Variants in TCIRG1 observed in about 807,000 individuals in gnomAD.
TCIRG1 encodes the protein T cell immune regulator 1, ATPase H+ transporting V0 subunit a3, also known as V-type proton ATPase 116 kDa subunit a 3.
A neutral mutation model predicts 95.5 loss-of-function variants in TCIRG1; 86 were observed. The ratio of observed to expected loss-of-function variants is 0.90; its 90% confidence interval spans 0.76 to 1.08. The LOEUF (loss-of-function observed/expected upper bound fraction) is 1.08, where lower values mean the gene tolerates loss of function less well. Ranked by LOEUF, TCIRG1 falls within the 50% of genes least tolerant of loss-of-function variation. The probability of loss-of-function intolerance (pLI) is 0.00; values close to 1 mark genes in which losing one functional copy is unlikely to be tolerated. For missense variants in TCIRG1, 1,069 were observed against 1,140.2 expected (o/e 0.94, Z 0.90); for synonymous variants, 499 against 501.3 (o/e 1.00, Z 0.06).
chr11:68,045,780 C>T (rs1026924647), intron 10 of TCIRG1, among the ~76,000 whole-genome samples: 2 of 152,258 alleles, frequency 1.3e-5, no homozygotes. Context: ...CTTGAACCCC[C>T]GACCTCACGT....
At chr11:68,044,420 C>T (rs1054431601) in intron 9 of TCIRG1, 76 bp downstream of exon 9, 4 of 1,201,312 alleles carry the variant, frequency 3.3e-6, no homozygotes, top group African/African-American at 3.0e-5. Flanking sequence ...TCACTTCCAG[C>T]CTCTGGCTCC....
In TCIRG1 at chr11:68,050,762, C is replaced by A; in HGVS notation, c.2436C>A (p.Phe812Leu). 1 of 1,613,938 alleles carries A rather than the reference C, an allele frequency of 6.2e-7. No homozygotes were observed. Among genetic ancestry groups the A allele is most frequent in the South Asian group, 1.1e-5 (1 of 91,076 alleles). The change falls in exon 20 of 20, where the codon TTC (phenylalanine) becomes TTA (leucine). Residue 812 changes from phenylalanine (F) to leucine (L), a missense_variant. Coordinates refer to ENST00000265686, the MANE Select transcript of TCIRG1 (RefSeq NM_006019.4). ...RLHWVEFQNK[F>L]YSGTGYKLSP... is the part of the protein sequence containing the mutation. ...CCAGGGTGGAATTCCAGAACAAGTTCTACTCAGGCACGGGCTACAAGCTGA... is the reference window on the plus strand; with the variant it reads ...CCAGGGTGGAATTCCAGAACAAGTTATACTCAGGCACGGGCTACAAGCTGA...
Position 68,050,590 on chromosome 11 carries a change from T to C in TCIRG1, c.2340T>C (p.Phe780=), listed in dbSNP as rs377099824. The C allele has an allele frequency of 1.2e-6, 2 of 1,613,502 alleles. No homozygotes were observed. The highest frequency in any genetic ancestry group is 2.7e-5 in the African/African-American group (2 of 74,934). Residue 780 remains phenylalanine, a synonymous_variant, in exon 19 of 20, where the codon TTT becomes TTC. Coordinates refer to ENST00000265686, the MANE Select transcript of TCIRG1 (RefSeq NM_006019.4). ...AVVLVPIFAA[F]AVMTVAILLV... ...TGCTGGTCCCCATCTTTGCCGCCTT[T>C]GCCGTGATGACCGTGGCTATCCTGC...
chr11:68,044,004 C>A (rs1299445534), intron 8 of TCIRG1, 97 bp downstream of exon 8: 2 of 1,315,382 alleles, frequency 1.5e-6, no homozygotes, highest in Non-Finnish European at 2.1e-6. Flanking sequence ...GCCTGGCCTC[C>A]AGGAGGTGGG....
intron 3 of TCIRG1, 97 bp downstream of exon 3, chr11:68,041,928 A>G (rs1231463529): frequency 2.7e-6 from 3 of 1,114,464 alleles, no homozygotes; most frequent in Admixed American, 4.0e-5. Context: ...GCCAGGTGGA[A>G]GGCAGAGAAG....
At chr11:68,050,358 A>G in intron 18 of TCIRG1, 104 bp downstream of exon 18, 3 of 1,600,602 alleles carry the variant, frequency 1.9e-6, no homozygotes, top group Middle Eastern at 3.4e-4. Context: ...TCCCCTCTGT[A>G]AAGTGGGACT....
At chr11:68,051,518 C>A (rs1855795403), downstream of TCIRG1, among the ~76,000 whole-genome samples, 1 of 152,216 alleles carries the variant, frequency 6.6e-6, no homozygotes, top group African/African-American at 2.4e-5. Flanking sequence ...GTCCCACCCC[C>A]ACTGGGAGGC....
chr11:68,040,931 AGCCCGAGAGGAGGGAG>A, intron 1 of TCIRG1, among the ~76,000 whole-genome samples: 1 of 152,308 alleles, frequency 6.6e-6, no homozygotes, highest in South Asian at 2.1e-4. Context: ...GGGTGACGGC[AGCCCGAGAGGAGGGAG>A]GCCAGAGTGA....
Position 68,049,173 on chromosome 11 carries a change from T to C in TCIRG1, c.1766T>C (p.Ile589Thr). The C allele has an allele frequency of 6.2e-7, 1 of 1,614,018 alleles. No homozygotes were observed. Among genetic ancestry groups the C allele is most frequent in the Non-Finnish European group, 8.5e-7 (1 of 1,179,996 alleles). ...GLFGYLVFLV[I>T]YKWLCVWAAR... ...TTCGGTTACCTCGTGTTCCTAGTCA[T>C]CTACAAGTGGCTGTGTGTCTGGGCT... is the stretch of plus-strand genomic sequence containing the variant. Residue 589 changes from isoleucine to threonine, a missense_variant, in exon 15 of 20, where the codon ATC (isoleucine) becomes ACC (threonine). Transcript: ENST00000265686.
In TCIRG1 at chr11:68,047,704, A is replaced by G. The variant is rs1855574623; in HGVS notation, c.1363A>G (p.Ile455Val). ...YLLLLMGLFS[I>V]YTGFIYNECF... The stretch of plus-strand genomic sequence containing the variant: ...GCTCCTGCTTATGGGCCTGTTCTCC[A>G]TCTACACCGGCTTCATCTACAACGA... The change falls in exon 12 of 20, where the codon ATC becomes GTC. Residue 455 changes from isoleucine (I) to valine (V), a missense_variant. Coordinates refer to ENST00000265686, the MANE Select transcript of TCIRG1 (RefSeq NM_006019.4). 6.2e-7 allele frequency: 1 copy of G among 1,613,386 alleles called. No homozygotes were observed. Among genetic ancestry groups the G allele is most frequent in the African/African-American group, 1.3e-5 (1 of 74,954 alleles).
Position 68,047,769 on chromosome 11 carries a change from G to A in TCIRG1, c.1428G>A (p.Trp476Ter), listed in dbSNP as rs757676092. The A allele has an allele frequency of 6.2e-7, 1 of 1,613,124 alleles. No individual in the cohort carries two copies. Among genetic ancestry groups the A allele is most frequent in the South Asian group, 1.1e-5 (1 of 91,088 alleles). The part of the protein sequence containing the change: ...SRATSIFPSG[W>*]SVAAMANQSG... The stretch of plus-strand genomic sequence containing the variant: ...CCACCAGCATCTTCCCCTCGGGCTG[G>A]AGTGTGGCCGCCATGGCCAACCAGT... The change falls in exon 12 of 20, where the codon TGG becomes TGA. Residue 476 changes from tryptophan to a stop codon, truncating the protein, a stop_gained. Coordinates refer to ENST00000265686, the MANE Select transcript of TCIRG1 (RefSeq NM_006019.4). LOFTEE classifies it high-confidence loss of function.
chr11:68,049,514 G>A (rs1166128967), intron 15 of TCIRG1, 149 bp from the exon 16 acceptor site: 3 of 1,160,504 alleles, frequency 2.6e-6, no homozygotes, highest in African/African-American at 3.0e-5. Flanking sequence ...TATGGAGGCA[G>A]ACCCTCACCC....
At chr11:68,041,519 G>A in intron 2 of TCIRG1, 131 bp downstream of exon 2, 1 of 776,282 alleles carries the variant, frequency 1.3e-6, no homozygotes, top group Non-Finnish European at 2.1e-6. Flanking sequence ...CCCCTGCCAT[G>A]GGCACTGCTC....
In TCIRG1 at chr11:68,050,755, A is replaced by G. The variant is rs1162287088; in HGVS notation, c.2429A>G (p.Asn810Ser). The change falls in exon 20 of 20, where the codon AAC becomes AGC. Residue 810 changes from asparagine (N) to serine (S), a missense_variant. Physicochemically the swap from Asn to Ser is conservative, Grantham distance 46. Coordinates refer to ENST00000265686, the MANE Select transcript of TCIRG1 (RefSeq NM_006019.4). Reference protein sequence around the residue: ...ALRLHWVEFQNKFYSGTGYKL... With the variant: ...ALRLHWVEFQSKFYSGTGYKL... The stretch of plus-strand genomic sequence containing the variant: ...CTCACCCCCAGGGTGGAATTCCAGA[A>G]CAAGTTCTACTCAGGCACGGGCTAC... 1 of 1,613,966 alleles carries G rather than the reference A, an allele frequency of 6.2e-7. No individual in the cohort carries two copies. The highest frequency in any genetic ancestry group is 8.5e-7 in the Non-Finnish European group (1 of 1,180,030).
chr11:68,047,928 G>T lies in TCIRG1; in HGVS notation c.1510G>T (p.Val504Phe). ...QHTMLTLDPN[V>F]TGVFLGPYPF... Reference sequence around the variant, plus strand: ...CACGATGCTTACCCTGGATCCCAACGTCACCGGTGTCTTCCTGGGACCCTA... The same window carrying T: ...CACGATGCTTACCCTGGATCCCAACTTCACCGGTGTCTTCCTGGGACCCTA... Residue 504 changes from valine (V) to phenylalanine (F), a missense_variant, in exon 13 of 20, where the codon GTC becomes TTC. Transcript: ENST00000265686. The T allele has an allele frequency of 6.2e-7, 1 of 1,613,842 alleles. No individual in the cohort carries two copies. Among genetic ancestry groups the T allele is most frequent in the Non-Finnish European group, 8.5e-7 (1 of 1,180,028 alleles).
chr11:68,044,415 TC>T, intron 9 of TCIRG1, 71 bp downstream of exon 9: 1 of 1,298,654 alleles, frequency 7.7e-7, no homozygotes, highest in Non-Finnish European at 1.1e-6. Context: ...CTGCCTCACT[TC>T]CAGCCTCTGG....
chr11:68,045,020 C>G lies in TCIRG1; in HGVS notation c.1083C>G (p.Leu361=), dbSNP rs532106336. The G allele has an allele frequency of 1.2e-6, 2 of 1,608,332 alleles. No individual in the cohort carries two copies. Among genetic ancestry groups the G allele is most frequent in the South Asian group, 2.2e-5 (2 of 91,086 alleles). The change falls in exon 10 of 20, where the codon CTC becomes CTG. Residue 361 remains leucine, a synonymous_variant. Coordinates refer to ENST00000265686, the MANE Select transcript of TCIRG1 (RefSeq NM_006019.4). ...CCTGCCGGGACATGCCCCCCACACT[C>G]ATCCGCACCAACCGCTTCACGGCCA... ...RIPCRDMPPT[L]IRTNRFTASF...
intron 15 of TCIRG1, 168 bp from the exon 16 acceptor site, chr11:68,049,495 A>C: frequency 9.4e-7 from 1 of 1,063,468 alleles, no homozygotes; most frequent in Non-Finnish European, 1.4e-6. Flanking sequence ...CCCTTCCCTC[A>C]GGAGTCCTTA....
In TCIRG1 at chr11:68,043,417, C is replaced by T. The variant is rs1375468915; in HGVS notation, c.550C>T (p.Arg184Cys). The T allele has an allele frequency of 9.1e-6, 14 of 1,543,316 alleles. No individual in the cohort carries two copies. The highest frequency in any genetic ancestry group is 1.2e-5 in the South Asian group (1 of 83,972). The change falls in exon 6 of 20, where the codon CGC becomes TGC. Residue 184 changes from arginine (R) to cysteine (C), a missense_variant. Physicochemically the swap from Arg to Cys is radical, Grantham distance 180. Coordinates refer to ENST00000265686, the MANE Select transcript of TCIRG1 (RefSeq NM_006019.4). ...GCCCCACAAGGCCCCTGCCCTAGAG[C>T]GCCTGCTCTGGAGGGCCTGCCGCGG... Reference protein sequence around the residue: ...VEPHKAPALERLLWRACRGFL... With the variant: ...VEPHKAPALECLLWRACRGFL...
Sources: gnomAD v4.1 joint callset for allele counts (sites outside exome capture counted in the v4.1 genomes callset) on GRCh38, gnomAD v4.1.1 for gene constraint, MANE v1.5 for transcripts, NCBI Gene and HGNC (gene_info 2026-07-23, HGNC 2026-07-21) for gene names.